PPFIA2: variants seen among roughly 807,000 people sequenced by gnomAD.
The protein encoded by PPFIA2 is liprin-alpha-2.
PPFIA2 carries 46 observed loss-of-function variants against 175.5 expected under a neutral mutation model. The observed-to-expected ratio is 0.26, with a 90% confidence interval of 0.21 to 0.34. The LOEUF is 0.34. Ranked by LOEUF, PPFIA2 falls within the 10% of genes least tolerant of loss-of-function variation. The probability of loss-of-function intolerance (pLI) is 1.00; values close to 1 mark genes in which losing one functional copy is unlikely to be tolerated. For synonymous variants in PPFIA2, 568 were observed against 511.4 expected (o/e 1.11, Z -1.49); for missense variants, 1,179 against 1,506.1 (o/e 0.78, Z 3.60).
At chr12:81,429,015 C>CA (rs2047634538) in intron 7 of PPFIA2, among the ~76,000 whole-genome samples, 1 of 151,882 alleles carries the variant, frequency 6.6e-6, no homozygotes, top group Non-Finnish European at 1.5e-5. Context: ...AACAAACAAA[C>CA]AAAAAATCTC....
At chr12:81,417,113 C>A (rs1484059682) in intron 7 of PPFIA2, 2 of 151,620 alleles carry the variant, frequency 1.3e-5, no homozygotes, top group African/African-American at 4.8e-5. Flanking sequence ...CTAATCATGT[C>A]TTTGTCTTCT....
At chr12:81,381,234 G>T (rs566081808) in intron 9 of PPFIA2, among the ~76,000 whole-genome samples, 1 of 152,120 alleles carries the variant, frequency 6.6e-6, no homozygotes, top group East Asian at 1.9e-4. Context: ...GAAACGATGG[G>T]GCTGATAAGA....
At chr12:81,352,915 T>C (rs1343571822) in intron 17 of PPFIA2, among the ~76,000 whole-genome samples, 3 of 152,210 alleles carry the variant, frequency 2.0e-5, no homozygotes, top group Non-Finnish European at 4.4e-5. Flanking sequence ...AAGGCTGTCC[T>C]AATATTATAA....
At chr12:81,608,506 C>T (rs1030083126) in intron 4 of PPFIA2, among the ~76,000 whole-genome samples, 2 of 151,998 alleles carry the variant, frequency 1.3e-5, no homozygotes, top group Non-Finnish European at 2.9e-5. Context: ...TCAATCTCTG[C>T]CTGATTCAAT....
At chr12:81,525,633 G>C (rs2063647205) in intron 4 of PPFIA2, among the ~76,000 whole-genome samples, 1 of 152,074 alleles carries the variant, frequency 6.6e-6, no homozygotes, top group South Asian at 2.1e-4. Flanking sequence ...ATTGTGTCTA[G>C]ATCCCTGAAC....
chr12:81,742,166 C>A (rs12301037), intron 3 of PPFIA2, among the ~76,000 whole-genome samples: 2,324 of 152,276 alleles, frequency 0.015, 52 homozygotes, highest in African/African-American at 0.052. Flanking sequence ...CAAATGTTAA[C>A]ATTGTAGGCC....
At chr12:81,395,669 A>G (rs1387896565) in intron 8 of PPFIA2, among the ~76,000 whole-genome samples, 1 of 152,046 alleles carries the variant, frequency 6.6e-6, no homozygotes. Flanking sequence ...ACTAGAGAAG[A>G]GCAGAAATTG....
At chr12:81,742,787 AT>A (rs1310070605) in intron 3 of PPFIA2, among the ~76,000 whole-genome samples, 5 of 152,198 alleles carry the variant, frequency 3.3e-5, no homozygotes, top group African/African-American at 1.2e-4. Flanking sequence ...CAAGTGAACG[AT>A]AATAAAGACT....
In PPFIA2 at chr12:81,591,291, G is replaced by A. The variant is rs148128521; in HGVS notation, c.303+85500C>T. ...AAAACATTCAAGAGGTGACTTGGGT[G>A]TTGTTAAAGGCACTTAGTTTTAAAA... On this transcript the variant is annotated intron_variant, in intron 4 of 32. Transcript: ENST00000549396. 2.6e-5 allele frequency among the ~76,000 whole-genome samples: 4 copies of A among 152,294 alleles called. No individual in the cohort carries two copies. The East Asian group carries it at 7.7e-4, about 29-fold the overall frequency.
intron 4 of PPFIA2, among the ~76,000 whole-genome samples, chr12:81,529,218 C>G (rs1010650433): frequency 1.3e-5 from 2 of 151,826 alleles, no homozygotes; most frequent in Admixed American, 6.6e-5. Context: ...AAAGAAAATA[C>G]TACAAAATAT....
At chr12:81,605,196 CATTT>C (rs1294564506) in intron 4 of PPFIA2, among the ~76,000 whole-genome samples, 1 of 151,714 alleles carries the variant, frequency 6.6e-6, no homozygotes, top group Non-Finnish European at 1.5e-5. Context: ...TTCTTTCATT[CATTT>C]GTGGGTAAAG....
chr12:81,528,371 G>A (rs1339596066), intron 4 of PPFIA2, among the ~76,000 whole-genome samples: 1 of 152,068 alleles, frequency 6.6e-6, no homozygotes, highest in Non-Finnish European at 1.5e-5. Context: ...TAGGTAAAGT[G>A]TCAGCTTTCT....
At chr12:81,707,463 C>T (rs1455024087) in intron 3 of PPFIA2, among the ~76,000 whole-genome samples, 2 of 152,136 alleles carry the variant, frequency 1.3e-5, no homozygotes, top group Non-Finnish European at 2.9e-5. Flanking sequence ...AAATCAAAGC[C>T]ACAATGAGAT....
chr12:81,729,276 C>T (rs1047715614), intron 3 of PPFIA2, among the ~76,000 whole-genome samples: 3 of 151,426 alleles, frequency 2.0e-5, no homozygotes, highest in African/African-American at 7.3e-5. Context: ...ACTTAGAAGG[C>T]ACACTAACCA....
chr12:81,645,619 G>A (rs867063641), intron 4 of PPFIA2, among the ~76,000 whole-genome samples: 5 of 152,302 alleles, frequency 3.3e-5, no homozygotes, highest in East Asian at 1.9e-4. Flanking sequence ...TACTTAAGAC[G>A]TCCCTCTGAG....
intron 4 of PPFIA2, among the ~76,000 whole-genome samples, chr12:81,607,055 T>C (rs2060399248): frequency 6.6e-6 from 1 of 152,110 alleles, no homozygotes; most frequent in Non-Finnish European, 1.5e-5. Context: ...CCCAGCACCA[T>C]TAATTGAATA....
At chr12:81,371,127 A>T (rs2141545917) in intron 11 of PPFIA2, among the ~76,000 whole-genome samples, 1 of 151,954 alleles carries the variant, frequency 6.6e-6, no homozygotes, top group African/African-American at 2.4e-5. Context: ...TCCTTCTGAT[A>T]TTCTTATTTT....
rs2065433298 is a variant in PPFIA2, at chr12:81,642,795, A to ACGTG, written c.303+33995_303+33996insCACG. On this transcript the variant is annotated intron_variant, in intron 4 of 32. Transcript: ENST00000549396. ...ATGTATGTATTATATACATACATGT[A>ACGTG]TATGTATGTATGTATTACATACATG... Among the ~76,000 whole-genome samples, 7 of 34,358 alleles carry ACGTG rather than the reference A, an allele frequency of 2.0e-4. 1 individual carries two copies. The highest frequency in any genetic ancestry group is 8.1e-4 in the African/African-American group (7 of 8,658). The allele number at this position is 34,358 out of a possible 152,430, so 22.5% of individuals were successfully genotyped here.
At chr12:81,618,464 G>C (rs1467721565) in intron 4 of PPFIA2, among the ~76,000 whole-genome samples, 1 of 149,780 alleles carries the variant, frequency 6.7e-6, no homozygotes. Flanking sequence ...ACTCATTAAT[G>C]TATTATTTCT....
Sources: allele counts gnomAD v4.1 joint callset (sites outside exome capture counted in the v4.1 genomes callset), GRCh38; gene constraint gnomAD v4.1.1; transcripts MANE v1.5; gene names NCBI Gene and HGNC (gene_info 2026-07-23, HGNC 2026-07-21).